Variants in SGCZ observed in about 807,000 individuals in gnomAD.
The protein encoded by SGCZ is zeta-sarcoglycan.
In SGCZ, 40 loss-of-function variants were observed where a neutral mutation model predicts 41.3. The observed-to-expected ratio is 0.97, with a 90% CI of 0.75 to 1.26. The LOEUF is 1.26. Among genes scored for constraint, SGCZ ranks in the 50% most tolerant of loss-of-function variants. The pLI is 0.00. For missense variants in SGCZ, 552 were observed against 369.8 expected, an observed-to-expected ratio of 1.49 and a Z score of -4.04; for synonymous variants, 206 against 137.5, an observed-to-expected ratio of 1.50 and a Z score of -3.49.
At chr8:15,132,801 G>T (rs1268755414) in intron 1 of SGCZ, among the ~76,000 whole-genome samples, 1 of 152,110 alleles carries the variant, frequency 6.6e-6, no homozygotes, top group Non-Finnish European at 1.5e-5. Context: ...TTGAGAGCCT[G>T]TTCACCACCA....
chr8:14,113,432 A>T (rs1320084752), intron 5 of SGCZ, among the ~76,000 whole-genome samples: 1 of 152,120 alleles, frequency 6.6e-6, no homozygotes, highest in African/African-American at 2.4e-5. Context: ...GGCCAAAAAA[A>T]TTGAAGATAC....
intron 2 of SGCZ, among the ~76,000 whole-genome samples, chr8:14,433,834 G>T (rs112096683): frequency 8.5e-5 from 13 of 152,100 alleles, no homozygotes; most frequent in African/African-American, 1.4e-4. Context: ...GAAAACACTG[G>T]ATTCATCAAA....
intron 5 of SGCZ, among the ~76,000 whole-genome samples, chr8:14,136,230 G>A (rs1436956830): frequency 6.6e-6 from 1 of 152,178 alleles, no homozygotes; most frequent in Non-Finnish European, 1.5e-5. Context: ...CTCCCAGTGT[G>A]AGTGACGCAG....
At chr8:14,230,013 T>C (rs1327005638) in intron 4 of SGCZ, among the ~76,000 whole-genome samples, 1 of 152,156 alleles carries the variant, frequency 6.6e-6, no homozygotes, top group African/African-American at 2.4e-5. Flanking sequence ...GATGTTGATT[T>C]AGTTGTGCTC....
intron 1 of SGCZ, among the ~76,000 whole-genome samples, chr8:14,821,067 C>T (rs1252761082): frequency 6.6e-6 from 1 of 151,710 alleles, no homozygotes; most frequent in African/African-American, 2.4e-5. Flanking sequence ...ACAAAACTGA[C>T]AAACCTTAAG....
At chr8:14,544,436 G>T (rs1217265068) in intron 2 of SGCZ, among the ~76,000 whole-genome samples, 1 of 152,056 alleles carries the variant, frequency 6.6e-6, no homozygotes, top group Non-Finnish European at 1.5e-5. Context: ...GCGGGGTCGG[G>T]GAAAAACAGC....
intron 3 of SGCZ, among the ~76,000 whole-genome samples, chr8:14,292,402 T>G (rs190336662): frequency 3.2e-4 from 49 of 151,936 alleles, no homozygotes; most frequent in African/African-American, 1.2e-3. Context: ...ATGCCTCAGG[T>G]AAAATTTAAG....
chr8:14,609,189 C>T (rs4831612), intron 1 of SGCZ, among the ~76,000 whole-genome samples: 94,617 of 151,962 alleles, frequency 0.62, 29,562 homozygotes, highest in East Asian at 0.72. Flanking sequence ...ATTGTAATAA[C>T]ATAACAAAAT....
chr8:14,953,397 C>G (rs894417887), intron 1 of SGCZ, among the ~76,000 whole-genome samples: 1 of 152,236 alleles, frequency 6.6e-6, no homozygotes, highest in East Asian at 1.9e-4. Context: ...ATTCAATCGC[C>G]GTCCACTAGG....
chr8:14,533,144 C>T (rs1423586568), intron 2 of SGCZ, among the ~76,000 whole-genome samples: 2 of 151,770 alleles, frequency 1.3e-5, no homozygotes, highest in African/African-American at 2.4e-5. Flanking sequence ...TCCTTCCCCA[C>T]TCCCCCCACC....
At chr8:15,074,039 A>C (rs1805444844) in intron 1 of SGCZ, among the ~76,000 whole-genome samples, 1 of 152,166 alleles carries the variant, frequency 6.6e-6, no homozygotes, top group Non-Finnish European at 1.5e-5. Context: ...TAGGGTGTAC[A>C]CAAAAGTAAC....
chr8:14,928,198 A>G (rs1239854741), intron 1 of SGCZ, among the ~76,000 whole-genome samples: 1 of 152,212 alleles, frequency 6.6e-6, no homozygotes, highest in Non-Finnish European at 1.5e-5. Context: ...ATTAATGTCA[A>G]TGACATCATT....
chr8:14,433,002 C>G (rs951962707), intron 2 of SGCZ, among the ~76,000 whole-genome samples: 4 of 137,670 alleles, frequency 2.9e-5, no homozygotes, highest in Admixed American at 1.4e-4. Context: ...CAAAACAAAA[C>G]TAAAGAAAAA....
intron 1 of SGCZ, among the ~76,000 whole-genome samples, chr8:14,857,128 C>G (rs531305592): frequency 2.0e-5 from 3 of 152,166 alleles, no homozygotes; most frequent in Non-Finnish European, 2.9e-5. Flanking sequence ...GTAGCGCCTC[C>G]CTCCTCTCTC....
At chr8:14,386,158 G>A (rs192174920) in intron 2 of SGCZ, among the ~76,000 whole-genome samples, 1 of 152,028 alleles carries the variant, frequency 6.6e-6, no homozygotes, top group African/African-American at 2.4e-5. Flanking sequence ...TATTACACTT[G>A]CATTTCTCAG....
At chr8:14,868,611 G>C (rs891585667) in intron 1 of SGCZ, among the ~76,000 whole-genome samples, 1 of 152,098 alleles carries the variant, frequency 6.6e-6, no homozygotes, top group Non-Finnish European at 1.5e-5. Context: ...ACATGTACCA[G>C]TTTAAGCCAT....
At chr8:14,693,737 C>A (rs1563206905) in intron 1 of SGCZ, among the ~76,000 whole-genome samples, 1 of 151,568 alleles carries the variant, frequency 6.6e-6, no homozygotes, top group Non-Finnish European at 1.5e-5. Context: ...ACTACAGGCG[C>A]CTGCCACCAC....
chr8:14,421,101 G>A (rs1029281326), intron 2 of SGCZ, among the ~76,000 whole-genome samples: 1 of 152,066 alleles, frequency 6.6e-6, no homozygotes, highest in African/African-American at 2.4e-5. Context: ...CCCATCAAGT[G>A]AAAATCAAAA....
chr8:14,418,855 T>C (rs1799565691), intron 2 of SGCZ, among the ~76,000 whole-genome samples: 3 of 151,970 alleles, frequency 2.0e-5, no homozygotes, highest in Admixed American at 6.6e-5. Context: ...CAGTCAACAG[T>C]TTTGTGGAAC....
Sources: allele counts gnomAD v4.1 joint callset (sites outside exome capture counted in the v4.1 genomes callset), GRCh38; gene constraint gnomAD v4.1.1; transcripts MANE v1.5; gene names NCBI Gene and HGNC (gene_info 2026-07-23, HGNC 2026-07-21).